KCND3: variants seen among roughly 807,000 people sequenced by gnomAD.
KCND3 encodes the protein A-type voltage-gated potassium channel KCND3.
Under a neutral mutation model 51.1 loss-of-function variants are expected in KCND3, and 9 were observed. The ratio of observed to expected loss-of-function variants is 0.18; its 90% confidence interval spans 0.11 to 0.31. The LOEUF is 0.31. Ranked by LOEUF, KCND3 falls within the 10% of genes least tolerant of loss-of-function variation. KCND3 has a pLI of 1.00. For synonymous variants in KCND3, 349 were observed against 368.0 expected (o/e 0.95, Z 0.59); for missense variants, 526 against 903.8 (o/e 0.58, Z 5.36).
At position 111,867,450 on chromosome 1, in the gene KCND3, C is replaced by A. The variant is rs555622826; in HGVS notation, c.1107-80344G>T. On this transcript the variant is annotated intron_variant, in intron 2 of 7. Coordinates refer to ENST00000302127, the MANE Select transcript of KCND3 (RefSeq NM_001378969.1). ...AGATATTTTCTGAATATGCAGAGCA[C>A]CCCAATCCTGGGTTATAACCAAGGT... Among the ~76,000 whole-genome samples, 5 of 152,288 alleles carry A rather than the reference C, an allele frequency of 3.3e-5. No individual in the cohort carries two copies. The East Asian group carries it at 9.6e-4, about 29-fold the overall frequency.
chr1:111,932,790 G>C (rs370623374), intron 2 of KCND3, among the ~76,000 whole-genome samples: 2 of 152,168 alleles, frequency 1.3e-5, no homozygotes, highest in Admixed American at 6.5e-5. Flanking sequence ...TGCATTTTAG[G>C]CTAAAAGTTT....
chr1:111,981,540 G>GT lies in KCND3; in HGVS notation c.1106+80_1106+81insA. ...AGGGACTCCCTCCTCCTCTACCCAT[G>GT]GTGACACCATCCAAGGTTTCAGAGG... On this transcript the variant is annotated intron_variant, in intron 2 of 7. Coordinates refer to ENST00000302127, the MANE Select transcript of KCND3 (RefSeq NM_001378969.1). The surrounding 1 kb of genome is among the most constrained non-coding windows in gnomAD (Gnocchi z 6.2). The GT allele has an allele frequency of 6.3e-7, 1 of 1,596,700 alleles. No individual in the cohort carries two copies. The highest frequency in any genetic ancestry group is 8.6e-7 in the Non-Finnish European group (1 of 1,165,268).
chr1:111,901,677 C>T (rs983592282), intron 2 of KCND3, among the ~76,000 whole-genome samples: 2 of 152,182 alleles, frequency 1.3e-5, no homozygotes, highest in Non-Finnish European at 2.9e-5. Flanking sequence ...ATTCCCAGTA[C>T]TTTTGATGAA....
chr1:111,913,185 C>G (rs1454957314), intron 2 of KCND3, among the ~76,000 whole-genome samples: 3 of 152,156 alleles, frequency 2.0e-5, no homozygotes, highest in African/African-American at 7.2e-5. Flanking sequence ...TTACAATTGC[C>G]TACAGTATTC....
intron 2 of KCND3, among the ~76,000 whole-genome samples, chr1:111,822,369 C>T (rs1474892528): frequency 6.6e-6 from 1 of 152,154 alleles, no homozygotes; most frequent in African/African-American, 2.4e-5. Context: ...ACTCCATACC[C>T]TCTCTTCTTG....
At chr1:111,986,854 A>G (rs891068097) in intron 1 of KCND3, among the ~76,000 whole-genome samples, 7 of 151,988 alleles carry the variant, frequency 4.6e-5, no homozygotes, top group African/African-American at 7.3e-5. Flanking sequence ...AGGGCACACA[A>G]CCTGTGTCAC....
intron 2 of KCND3, among the ~76,000 whole-genome samples, chr1:111,834,582 A>G (rs1666989659): frequency 1.3e-5 from 2 of 152,332 alleles, no homozygotes; most frequent in East Asian, 3.9e-4. Context: ...CCTCAACACC[A>G]GTCTTGACAA....
intron 2 of KCND3, among the ~76,000 whole-genome samples, chr1:111,966,201 T>C (rs760771487): frequency 6.6e-6 from 1 of 152,228 alleles, no homozygotes; most frequent in Non-Finnish European, 1.5e-5. Flanking sequence ...GATCATTTAA[T>C]GGTTGGTTTC....
intron 2 of KCND3, among the ~76,000 whole-genome samples, chr1:111,902,634 A>T (rs921225653): frequency 6.6e-6 from 1 of 152,176 alleles, no homozygotes; most frequent in African/African-American, 2.4e-5. Flanking sequence ...GGGCCAGGAG[A>T]TCCTTTGGAT....
chr1:111,805,411 T>G (rs1665519935), intron 2 of KCND3, among the ~76,000 whole-genome samples: 1 of 152,188 alleles, frequency 6.6e-6, no homozygotes, highest in Non-Finnish European at 1.5e-5. Flanking sequence ...CACCCTTGCC[T>G]CAGTCTGGCT....
intron 2 of KCND3, among the ~76,000 whole-genome samples, chr1:111,849,534 G>A (rs746448455): frequency 9.2e-5 from 14 of 152,202 alleles, no homozygotes; most frequent in Non-Finnish European, 1.8e-4. Context: ...TGTGGGTATT[G>A]TAGGAGCAGT....
At chr1:111,965,238 G>A (rs115197422) in intron 2 of KCND3, among the ~76,000 whole-genome samples, 2 of 151,916 alleles carry the variant, frequency 1.3e-5, no homozygotes, top group Non-Finnish European at 2.9e-5. Flanking sequence ...GCTCATCTAA[G>A]GACCAGAAGA....
chr1:111,959,020 G>C (rs940952294), intron 2 of KCND3, among the ~76,000 whole-genome samples: 2 of 152,162 alleles, frequency 1.3e-5, no homozygotes, highest in African/African-American at 4.8e-5. Flanking sequence ...CCATATAGGA[G>C]AAGGGAAACA....
chr1:111,941,976 C>T (rs1557734567), intron 2 of KCND3, among the ~76,000 whole-genome samples: 1 of 152,170 alleles, frequency 6.6e-6, no homozygotes, highest in African/African-American at 2.4e-5. Context: ...TTGCCTTGCA[C>T]GGGGCTGCTG....
intron 2 of KCND3, among the ~76,000 whole-genome samples, chr1:111,792,055 G>A (rs1428046151): frequency 6.6e-6 from 1 of 152,220 alleles, no homozygotes; most frequent in African/African-American, 2.4e-5. Context: ...GCACTATATA[G>A]TCTATAGGAC....
At chr1:111,966,527 G>A (rs1317552911) in intron 2 of KCND3, among the ~76,000 whole-genome samples, 1 of 152,120 alleles carries the variant, frequency 6.6e-6, no homozygotes, top group Non-Finnish European at 1.5e-5. Context: ...GTTTATCCTA[G>A]AGGGCCTGGT....
intron 3 of KCND3, among the ~76,000 whole-genome samples, chr1:111,783,051 T>C (rs1664451848): frequency 6.6e-6 from 1 of 152,162 alleles, no homozygotes; most frequent in African/African-American, 2.4e-5. Flanking sequence ...GAAGATCCTA[T>C]GTGAGTTGGC....
At position 111,981,478 on chromosome 1, in the gene KCND3, G is replaced by T; in HGVS notation, c.1106+143C>A. The T allele has an allele frequency of 8.2e-7, 1 of 1,221,294 alleles. No homozygotes were observed. Among genetic ancestry groups the T allele is most frequent in the Non-Finnish European group, 1.2e-6 (1 of 847,342 alleles). 75.7% of individuals were successfully genotyped at this position (1,221,294 alleles called of 1,614,324 possible). A position where few individuals can be genotyped will look rare whatever the true frequency, so the allele number is the denominator to read the frequency against. The stretch of plus-strand genomic sequence containing the variant: ...AGATGACTCATGGGCTTTACCCTTC[G>T]GATAGAGCAACTTCCCCTGCCCCCA... On this transcript the variant is annotated intron_variant, in intron 2 of 7. Coordinates refer to ENST00000302127, the MANE Select transcript of KCND3 (RefSeq NM_001378969.1). The surrounding 1 kb of genome is among the most constrained non-coding windows in gnomAD (Gnocchi z 6.2).
intron 2 of KCND3, among the ~76,000 whole-genome samples, chr1:111,834,238 G>C (rs1666977421): frequency 6.6e-6 from 1 of 152,194 alleles, no homozygotes; most frequent in South Asian, 2.1e-4. Context: ...TGCCCACTAG[G>C]ATTTGGAGAG....
Sources: allele counts gnomAD v4.1 joint callset (sites outside exome capture counted in the v4.1 genomes callset), GRCh38; gene constraint gnomAD v4.1.1; non-coding constraint Gnocchi (gnomAD v3.1); transcripts MANE v1.5; gene names NCBI Gene and HGNC (gene_info 2026-07-23, HGNC 2026-07-21).